Variants in CCSER1 observed in about 807,000 individuals in gnomAD.
CCSER1 encodes serine-rich coiled-coil domain-containing protein 1.
In CCSER1, 41 loss-of-function variants were observed where a neutral mutation model predicts 82.0. The ratio of observed to expected loss-of-function variants is 0.50; its 90% CI spans 0.39 to 0.65. The LOEUF is 0.65. Ranked by LOEUF, CCSER1 falls within the 30% of genes least tolerant of loss-of-function variation. The probability of loss-of-function intolerance (pLI) is 0.00; values close to 1 mark genes in which losing one functional copy is unlikely to be tolerated. For synonymous variants in CCSER1, 414 were observed against 383.9 expected (o/e 1.08, Z -0.92); for missense variants, 1,119 against 1,064.2 (o/e 1.05, Z -0.72).
At chr4:90,982,358 C>T (rs1007383603) in intron 9 of CCSER1, among the ~76,000 whole-genome samples, 2 of 151,700 alleles carry the variant, frequency 1.3e-5, no homozygotes, top group African/African-American at 4.8e-5. Flanking sequence ...AAAGGCCCCA[C>T]CTCTAAATAT....
chr4:90,542,121 G>A (rs1776183667), intron 5 of CCSER1, among the ~76,000 whole-genome samples: 1 of 151,894 alleles, frequency 6.6e-6, no homozygotes, highest in African/African-American at 2.4e-5. Flanking sequence ...TTTGAATTGT[G>A]ATAAAAGAAC....
At chr4:90,588,432 A>G (rs1312712492) in intron 5 of CCSER1, among the ~76,000 whole-genome samples, 2 of 152,222 alleles carry the variant, frequency 1.3e-5, no homozygotes, top group Non-Finnish European at 2.9e-5. Context: ...ATTTATAAGA[A>G]GCAACTTCTC....
At chr4:91,244,600 G>A (rs1315233944) in intron 10 of CCSER1, among the ~76,000 whole-genome samples, 1 of 152,212 alleles carries the variant, frequency 6.6e-6, no homozygotes, top group Non-Finnish European at 1.5e-5. Flanking sequence ...CTACAAGTCT[G>A]CAAAATTCAC....
At chr4:90,981,881 T>C (rs1736146239) in intron 9 of CCSER1, among the ~76,000 whole-genome samples, 1 of 150,910 alleles carries the variant, frequency 6.6e-6, no homozygotes, top group Admixed American at 6.6e-5. Context: ...AAGTAAAGCA[T>C]TTTTTTCTTA....
At chr4:91,581,803 C>A (rs914602638) in intron 10 of CCSER1, among the ~76,000 whole-genome samples, 2 of 151,452 alleles carry the variant, frequency 1.3e-5, no homozygotes, top group Admixed American at 6.6e-5. Flanking sequence ...GAGGGCCTAC[C>A]TTATGCAGAG....
intron 10 of CCSER1, among the ~76,000 whole-genome samples, chr4:91,093,792 C>A (rs1256459118): frequency 6.6e-6 from 1 of 152,220 alleles, no homozygotes; most frequent in Non-Finnish European, 1.5e-5. Flanking sequence ...TTGCAAAAGT[C>A]TTGCTGTTGC....
At chr4:90,622,447 C>T (rs933938647) in intron 5 of CCSER1, among the ~76,000 whole-genome samples, 9 of 152,062 alleles carry the variant, frequency 5.9e-5, no homozygotes, top group African/African-American at 1.7e-4. Flanking sequence ...GGCCCCGGTG[C>T]GTGATGTTCC....
rs1294018341 is a variant in CCSER1 at position 90,522,419 on chromosome 4, G to C, written c.1724+54065G>C. On this transcript the variant is annotated intron_variant, in intron 5 of 10. Coordinates refer to ENST00000509176, the MANE Select transcript of CCSER1 (RefSeq NM_001145065.2). Reference sequence around the variant, plus strand: ...TGTTGAACAATCTTCTAACTGAGCTGTCTGGCACTTCTCTTAACCTTTAGG... The same window carrying C: ...TGTTGAACAATCTTCTAACTGAGCTCTCTGGCACTTCTCTTAACCTTTAGG... Among the ~76,000 whole-genome samples, 5 of 152,202 alleles carry C rather than the reference G, an allele frequency of 3.3e-5. No homozygotes were observed. In the East Asian group the frequency reaches 9.7e-4, roughly 29 times the overall value.
chr4:90,494,675 C>T (rs550049090), intron 5 of CCSER1, among the ~76,000 whole-genome samples: 50 of 152,220 alleles, frequency 3.3e-4, no homozygotes, highest in African/African-American at 9.9e-4. Flanking sequence ...ATGTCTGCAA[C>T]GTATCTGGTA....
chr4:90,748,272 T>C (rs1429366639), intron 7 of CCSER1, among the ~76,000 whole-genome samples: 1 of 145,892 alleles, frequency 6.9e-6, no homozygotes, highest in Non-Finnish European at 1.5e-5. Context: ...CACCTATGAG[T>C]GAGAATATGC....
chr4:90,714,691 A>G (rs1706075448), intron 6 of CCSER1, among the ~76,000 whole-genome samples: 1 of 152,010 alleles, frequency 6.6e-6, no homozygotes, highest in African/African-American at 2.4e-5. Flanking sequence ...ATGAACTCCT[A>G]GAATTTTGAC....
At chr4:90,932,995 A>C (rs1173715064) in intron 9 of CCSER1, among the ~76,000 whole-genome samples, 4 of 47,686 alleles carry the variant, frequency 8.4e-5, no homozygotes, top group Admixed American at 4.5e-4. Flanking sequence ...AAAGAAAGAA[A>C]GAAAGAAAGA....
In CCSER1 at chr4:91,522,759, T is replaced by G. The variant is rs545773698; in HGVS notation, c.2218-75813T>G. 4.7e-3 allele frequency among the ~76,000 whole-genome samples: 714 copies of G among 152,300 alleles called. 9 individuals are homozygous for G. The highest frequency in any genetic ancestry group is 0.016 in the African/African-American group (681 of 41,564). ...ACTTTGCTGAAGTTGCTTATCAGCT[T>G]AAGGAGATTTTGGGCTGAGCTGATG... is the stretch of plus-strand genomic sequence containing the variant. On this transcript the variant is annotated intron_variant, in intron 10 of 10. Coordinates refer to ENST00000509176, the MANE Select transcript of CCSER1 (RefSeq NM_001145065.2).
chr4:91,191,312 A>T (rs1232555402), intron 10 of CCSER1, among the ~76,000 whole-genome samples: 1 of 152,062 alleles, frequency 6.6e-6, no homozygotes, highest in African/African-American at 2.4e-5. Flanking sequence ...GACTGTTCTT[A>T]TATTTAAACC....
chr4:90,673,312 T>A (rs1733163663), intron 6 of CCSER1, among the ~76,000 whole-genome samples: 2 of 151,934 alleles, frequency 1.3e-5, no homozygotes, highest in Non-Finnish European at 2.9e-5. Flanking sequence ...TATTTGAGCT[T>A]GAAAATTATG....
chr4:91,060,350 C>A (rs1185069119), intron 9 of CCSER1, among the ~76,000 whole-genome samples: 1 of 151,980 alleles, frequency 6.6e-6, no homozygotes, highest in Non-Finnish European at 1.5e-5. Flanking sequence ...CTAGTCATTT[C>A]TGAAATCAGT....
At chr4:90,504,862 G>T (rs1326414551) in intron 5 of CCSER1, among the ~76,000 whole-genome samples, 1 of 152,118 alleles carries the variant, frequency 6.6e-6, no homozygotes, top group Non-Finnish European at 1.5e-5. Flanking sequence ...GCATCCAGGG[G>T]CAGCCAGTGG....
intron 9 of CCSER1, among the ~76,000 whole-genome samples, chr4:90,940,025 T>C (rs2150324338): frequency 6.6e-6 from 1 of 152,156 alleles, no homozygotes. Flanking sequence ...CTGATAAAGG[T>C]TTTTATCTAC....
chr4:91,306,058 T>TG (rs1491046377), intron 10 of CCSER1, among the ~76,000 whole-genome samples: 15 of 134,222 alleles, frequency 1.1e-4, no homozygotes, highest in East Asian at 4.5e-4. Context: ...TATCAGTGTG[T>TG]TTGTGTGTGT....
Sources: gnomAD v4.1 joint callset for allele counts (sites outside exome capture counted in the v4.1 genomes callset) on GRCh38, gnomAD v4.1.1 for gene constraint, MANE v1.5 for transcripts, NCBI Gene and HGNC (gene_info 2026-07-23, HGNC 2026-07-21) for gene names.